Variants in LIMD1 observed in about 807,000 individuals in gnomAD.
LIMD1 encodes LIM domain containing 1.
Under a neutral mutation model 58.4 loss-of-function variants are expected in LIMD1, and 23 were observed. That is an observed-to-expected ratio of 0.39 (90% CI 0.28 to 0.56). The LOEUF (loss-of-function observed/expected upper bound fraction) is 0.56. LIMD1 is among the 20% of genes least tolerant of loss of function. LIMD1 has a pLI of 0.57. For missense variants in LIMD1, 838 were observed against 855.5 expected, an observed-to-expected ratio of 0.98 and a Z score of 0.25; for synonymous variants, 334 against 345.5, an observed-to-expected ratio of 0.97 and a Z score of 0.37.
intron 2 of LIMD1, among the ~76,000 whole-genome samples, chr3:45,653,068 T>C (rs1293996564): frequency 1.3e-5 from 2 of 152,192 alleles, no homozygotes; most frequent in Admixed American, 6.5e-5. Context: ...GTCAGTTGAA[T>C]TGGATAATAA....
At position 45,616,546 on chromosome 3, in the gene LIMD1, G is replaced by A. The variant is rs967816955; in HGVS notation, c.1409-19604G>A. ...TCCTGAAAGTAGCCTTGGAGGTCCT[G>A]CCTTCCCCACCCTGAGTCCCTGCTG... On this transcript the variant is annotated intron_variant, in intron 1 of 7. Transcript: ENST00000273317. 2.0e-5 allele frequency among the ~76,000 whole-genome samples: 3 copies of A among 149,900 alleles called. No individual in the cohort carries two copies. The Admixed American group carries it at 2.0e-4, about 10-fold the overall frequency.
chr3:45,677,000 C>A lies in LIMD1; in HGVS notation c.1972C>A (p.His658Asn). 1 of 1,614,156 alleles carries A rather than the reference C, an allele frequency of 6.2e-7. No individual in the cohort carries two copies. The highest frequency in any genetic ancestry group is 8.5e-7 in the Non-Finnish European group (1 of 1,180,018). ...LEDHLFCHSC[H>N]VKRLEKRPSS... ...GGACCACCTGTTCTGTCACTCCTGC[C>A]ACGTGAAGAGGCTGGAGAAGAGACC... Residue 658 changes from histidine to asparagine, a missense_variant, in exon 8 of 8, where the codon CAC becomes AAC. By Grantham distance (68) the His-to-Asn change is moderately conservative. Transcript: ENST00000273317.
At position 45,676,982 on chromosome 3, in the gene LIMD1, C is replaced by T. The variant is rs1317467109; in HGVS notation, c.1954C>T (p.Leu652=). 4 of 1,613,988 alleles carry T rather than the reference C, an allele frequency of 2.5e-6. No individual in the cohort carries two copies. ...GHRCYPLEDH[L]FCHSCHVKRL... ...CCGCTGTTATCCGCTGGAGGACCAC[C>T]TGTTCTGTCACTCCTGCCACGTGAA... The change falls in exon 8 of 8, where the codon CTG becomes TTG. Residue 652 remains leucine (L), a synonymous_variant. Transcript: ENST00000273317.
Position 45,599,338 on chromosome 3 carries a change from C to T in LIMD1, c.1408+3051C>T, listed in dbSNP as rs544293406. On this transcript the variant is annotated intron_variant, in intron 1 of 7. Coordinates refer to ENST00000273317, the MANE Select transcript of LIMD1 (RefSeq NM_014240.3). ...GCAATTGCTCCCTGTTTCCCCCATC[C>T]CCTCCCAGCTCCTGGCAACAACCAA... Among the ~76,000 whole-genome samples the T allele has an allele frequency of 1.4e-4, 21 of 152,308 alleles. No homozygotes were observed. In the East Asian group the frequency reaches 4.0e-3, roughly 29 times the overall value.
chr3:45,598,735 A>G (rs267235), intron 1 of LIMD1, among the ~76,000 whole-genome samples: 3 of 152,042 alleles, frequency 2.0e-5, no homozygotes, highest in African/African-American at 7.2e-5. Flanking sequence ...AAATTGGGTG[A>G]TCAGGGAATG....
chr3:45,601,450 C>A (rs1467186769), intron 1 of LIMD1, among the ~76,000 whole-genome samples: 1 of 152,208 alleles, frequency 6.6e-6, no homozygotes, highest in African/African-American at 2.4e-5. Flanking sequence ...GCCTGCCGCA[C>A]CCCAGCAGCT....
intron 1 of LIMD1, among the ~76,000 whole-genome samples, chr3:45,631,793 A>G (rs908553383): frequency 2.6e-5 from 4 of 152,222 alleles, no homozygotes; most frequent in Non-Finnish European, 5.9e-5. Flanking sequence ...CCACCCTGCC[A>G]GCATCTTATG....
intron 1 of LIMD1, among the ~76,000 whole-genome samples, chr3:45,611,139 C>T (rs758744776): frequency 5.3e-5 from 8 of 152,172 alleles, no homozygotes; most frequent in Non-Finnish European, 1.2e-4. Flanking sequence ...AGCATGGAAG[C>T]GTCTTTACCT....
At position 45,596,231 on chromosome 3, in the gene LIMD1, C is replaced by T. The variant is rs1701348418; in HGVS notation, c.1352C>T (p.Ala451Val). 1.9e-6 allele frequency: 3 copies of T among 1,612,762 alleles called. No individual in the cohort carries two copies. Among genetic ancestry groups the T allele is most frequent in the African/African-American group, 1.3e-5 (1 of 74,920 alleles). ...TCTGCTGCTGAGTTGAAATTAGAAG[C>T]CCTCACCCAACGTCTGGAGCGAGAG... ...RPSAAELKLE[A>V]LTQRLEREMD... The change falls in exon 1 of 8, where the codon GCC (alanine) becomes GTC (valine). Residue 451 changes from alanine to valine, a missense_variant. Physicochemically the swap from Ala to Val is moderately conservative, Grantham distance 64. Around this residue, in one of 3 missense-constraint regions of LIMD1, gnomAD observed 659 missense variants for 639.8 expected, o/e 1.03. Coordinates refer to ENST00000273317, the MANE Select transcript of LIMD1 (RefSeq NM_014240.3).
rs1285424703 is a variant in LIMD1 at position 45,681,991 on chromosome 3, A to C, written c.*4932A>C. On this transcript the variant is annotated 3_prime_UTR_variant, in exon 8 of 8. Transcript: ENST00000273317. ...GTTTGAGACAGCCACATGCAGGAAG[A>C]CAGGACTTGTAGAGTGTTGGGGCCA... 1 of 152,228 alleles carries C rather than the reference A, an allele frequency of 6.6e-6. No individual in the cohort carries two copies. Among genetic ancestry groups the C allele is most frequent in the Admixed American group, 6.5e-5 (1 of 15,286 alleles). 9.4% of individuals were successfully genotyped at this position (152,228 alleles called of 1,614,324 possible).
chr3:45,610,175 C>T (rs946410014), intron 1 of LIMD1, among the ~76,000 whole-genome samples: 1 of 152,170 alleles, frequency 6.6e-6, no homozygotes, highest in East Asian at 1.9e-4. Context: ...CAGAGCAAGG[C>T]TCTGTCTCAA....
chr3:45,616,239 CT>C (rs1366588280), intron 1 of LIMD1, among the ~76,000 whole-genome samples: 1 of 152,160 alleles, frequency 6.6e-6, no homozygotes, highest in African/African-American at 2.4e-5. Context: ...ACAGGGATCT[CT>C]TGCCAGCTGC....
chr3:45,673,460 G>A lies in LIMD1; in HGVS notation c.1779G>A (p.Leu593=), dbSNP rs143620224. The part of the protein sequence containing the change: ...IYCVRDYHKV[L]APKCAACGLP... The stretch of plus-strand genomic sequence containing the variant: ...GCTTTGTTTCTCCCCACAGGGTGCT[G>A]GCCCCCAAGTGTGCAGCCTGTGGGC... The change falls in exon 6 of 8, where the codon CTG becomes CTA. Residue 593 remains leucine (L), a synonymous_variant. Coordinates refer to ENST00000273317, the MANE Select transcript of LIMD1 (RefSeq NM_014240.3). The A allele has an allele frequency of 2.5e-5, 41 of 1,613,740 alleles. No individual in the cohort carries two copies. The African/African-American group carries it at 5.1e-4, about 20-fold the overall frequency.
chr3:45,676,738 C>A (rs1697677419), intron 7 of LIMD1, among the ~76,000 whole-genome samples, 184 bp from the exon 8 acceptor site: 1 of 152,236 alleles, frequency 6.6e-6, no homozygotes, highest in South Asian at 2.1e-4. Context: ...CAGCAAGTGC[C>A]TTGTGGCAGT....
At chr3:45,598,119 A>C (rs1701375348) in intron 1 of LIMD1, among the ~76,000 whole-genome samples, 1 of 152,058 alleles carries the variant, frequency 6.6e-6, no homozygotes, top group African/African-American at 2.4e-5. Flanking sequence ...CTTAAGAGGA[A>C]GCAGGGGAGG....
At position 45,597,152 on chromosome 3, in the gene LIMD1, G is replaced by A. The variant is rs1020559348; in HGVS notation, c.1408+865G>A. Among the ~76,000 whole-genome samples, 9 of 152,186 alleles carry A rather than the reference G, an allele frequency of 5.9e-5. No homozygotes were observed. The East Asian group carries it at 9.7e-4, about 16-fold the overall frequency. ...TGGGATTACAGGCGTGAGCCACCGC[G>A]CCTGGCCAGAGCAGTGGTTCTTAAG... is the stretch of plus-strand genomic sequence containing the variant. On this transcript the variant is annotated intron_variant, in intron 1 of 7. Transcript: ENST00000273317.
At chr3:45,655,849 T>TA (rs1262391217) in intron 2 of LIMD1, among the ~76,000 whole-genome samples, 4 of 152,224 alleles carry the variant, frequency 2.6e-5, no homozygotes, top group Admixed American at 2.6e-4. Flanking sequence ...GACAGTGAAA[T>TA]TTGCCTCTTC....
intron 2 of LIMD1, among the ~76,000 whole-genome samples, chr3:45,637,062 G>A (rs1701796603): frequency 6.6e-6 from 1 of 152,190 alleles, no homozygotes; most frequent in Non-Finnish European, 1.5e-5. Flanking sequence ...GAGTCACAGG[G>A]TGTCAGGAAC....
At chr3:45,596,806 T>C (rs888396638) in intron 1 of LIMD1, among the ~76,000 whole-genome samples, 1 of 151,558 alleles carries the variant, frequency 6.6e-6, no homozygotes, top group Admixed American at 6.6e-5. Context: ...AGATGGGTAC[T>C]TATGTGCAGT....
Sources: gnomAD v4.1 joint callset for allele counts (sites outside exome capture counted in the v4.1 genomes callset) on GRCh38, gnomAD v4.1.1 for gene constraint, gnomAD v4.1.1 regional missense constraint, MANE v1.5 for transcripts, NCBI Gene and HGNC (gene_info 2026-07-23, HGNC 2026-07-21) for gene names.